ZNF250: variants seen among roughly 807,000 people sequenced by gnomAD.
ZNF250 encodes zinc finger protein 250, also known as zinc finger protein (clone 647).
A neutral mutation model predicts 37.1 loss-of-function variants in ZNF250; 13 were observed. The ratio of observed to expected loss-of-function variants is 0.35; its 90% CI spans 0.23 to 0.56. ZNF250 has a LOEUF of 0.56. Among genes scored for constraint, ZNF250 ranks in the 20% least tolerant of loss-of-function variants. The pLI, the probability that ZNF250 is intolerant of heterozygous loss-of-function variation, is 0.87. For missense variants in ZNF250, 474 were observed against 697.9 expected, an observed-to-expected ratio of 0.68 and a Z score of 3.61; for synonymous variants, 251 against 265.6, an observed-to-expected ratio of 0.94 and a Z score of 0.54.
intron 1 of ZNF250, among the ~76,000 whole-genome samples, chr8:144,900,564 A>C (rs1490669328): frequency 1.3e-5 from 2 of 152,216 alleles, no homozygotes; most frequent in Non-Finnish European, 2.9e-5. Context: ...TATTATTTTC[A>C]ATTTTAAAAT....
intron 4 of ZNF250, among the ~76,000 whole-genome samples, chr8:144,889,296 G>C (rs578071715): frequency 4.8e-4 from 73 of 152,320 alleles, no homozygotes; most frequent in African/African-American, 1.7e-3. Context: ...TGGCTAACCA[G>C]TCCCTCTGGT....
In ZNF250 at chr8:144,891,828, G is replaced by A. The variant is rs1280782544; in HGVS notation, c.-54-1425C>T. 6.6e-6 allele frequency among the ~76,000 whole-genome samples: 1 copy of A among 151,952 alleles called. No homozygotes were observed. Among genetic ancestry groups the A allele is most frequent in the African/African-American group, 2.4e-5 (1 of 41,346 alleles). ...GATCATGCCATTGCACTCCAGCCTG[G>A]GCAACCAAGAGCAAAACTCCATCTC... is the stretch of plus-strand genomic sequence containing the variant. On this transcript the variant is annotated intron_variant, in intron 1 of 5. Transcript: ENST00000417550. This position sits in a 1 kb window ranked among gnomAD's most constrained non-coding sequence, Gnocchi z 4.0.
chr8:144,883,678 G>C (rs1468789867), intron 5 of ZNF250, among the ~76,000 whole-genome samples: 2 of 152,030 alleles, frequency 1.3e-5, no homozygotes, highest in Admixed American at 6.6e-5. Flanking sequence ...GCAGTGGCAG[G>C]AGGAGGGGAG....
Position 144,882,621 on chromosome 8 carries a change from G to A in ZNF250, c.562C>T (p.Pro188Ser), listed in dbSNP as rs747906119. 1.2e-6 allele frequency: 2 copies of A among 1,613,948 alleles called. No homozygotes were observed. The highest frequency in any genetic ancestry group is 4.5e-5 in the East Asian group (2 of 44,878). ...SMPLTPHQAVPSGERPYMCVE... is the reference protein window; with the variant it reads ...SMPLTPHQAVSSGERPYMCVE... ...CACATGTAGGGCCTCTCTCCACTAG[G>A]CACTGCCTGGTGCGGAGTGAGTGGC... The change falls in exon 6 of 6, where the codon CCT becomes TCT. Residue 188 changes from proline to serine, a missense_variant. Physicochemically the swap from Pro to Ser is moderately conservative, Grantham distance 74. Around this residue, in one of 2 missense-constraint regions of ZNF250, gnomAD observed 192 missense variants for 227.5 expected, o/e 0.84. Transcript: ENST00000417550. The surrounding 1 kb of genome is among the most constrained non-coding windows in gnomAD (Gnocchi z 5.5).
At chr8:144,889,492 A>G (rs1239522253) in intron 4 of ZNF250, 89 bp downstream of exon 4, 3 of 1,026,728 alleles carry the variant, frequency 2.9e-6, no homozygotes, top group African/African-American at 1.6e-5. Context: ...AAGCCACTCC[A>G]GTGAGCGGCA....
chr8:144,899,420 TGACA>T, intron 1 of ZNF250, among the ~76,000 whole-genome samples: 1 of 152,336 alleles, frequency 6.6e-6, no homozygotes. Flanking sequence ...ATGTTTGAGG[TGACA>T]GACATCCTAA....
intron 4 of ZNF250, among the ~76,000 whole-genome samples, chr8:144,888,791 C>A (rs940900437): frequency 3.9e-5 from 6 of 151,944 alleles, no homozygotes; most frequent in African/African-American, 1.5e-4. Flanking sequence ...CTCTGTCCCC[C>A]AGGCTGGAGT....
chr8:144,880,083 G>C lies in ZNF250; in HGVS notation c.*1432C>G, dbSNP rs1273916600. 1.4e-5 allele frequency: 2 copies of C among 145,122 alleles called. No homozygotes were observed. Among genetic ancestry groups the C allele is most frequent in the African/African-American group, 5.3e-5 (2 of 37,608 alleles). 9.0% of individuals were successfully genotyped at this position (145,122 alleles called of 1,614,324 possible). On this transcript the variant is annotated 3_prime_UTR_variant, in exon 6 of 6. Transcript: ENST00000417550. The stretch of plus-strand genomic sequence containing the variant: ...CTTTGTCTCAAAAAAAAAAAAAAAA[G>C]TATGCTTAAAACAGAACAAATAATT...
chr8:144,880,874 C>A lies in ZNF250; in HGVS notation c.*641G>T. On this transcript the variant is annotated 3_prime_UTR_variant, in exon 6 of 6. Transcript: ENST00000417550. ...CAGAGCAAGACTATCTCCACACACA[C>A]ATACAAAAAGTTTTTTAAATTTATG... is the stretch of plus-strand genomic sequence containing the variant. 1.2e-5 allele frequency: 2 copies of A among 164,468 alleles called. No homozygotes were observed. The highest frequency in any genetic ancestry group is 1.3e-5 in the Non-Finnish European group (1 of 74,516). 10.2% of individuals were successfully genotyped at this position (164,468 alleles called of 1,614,324 possible).
chr8:144,886,419 G>GACAGAATCAAGTT (rs1421853935), intron 5 of ZNF250, among the ~76,000 whole-genome samples: 5 of 152,228 alleles, frequency 3.3e-5, no homozygotes, highest in African/African-American at 1.2e-4. Flanking sequence ...CTGCTTGTGA[G>GACAGAATCAAGTT]ACAGAATCAA....
intron 1 of ZNF250, among the ~76,000 whole-genome samples, chr8:144,892,859 C>G (rs1832441407): frequency 2.3e-5 from 2 of 85,546 alleles, no homozygotes; most frequent in Non-Finnish European, 4.7e-5. Context: ...TGTCCAGCCA[C>G]CAATTTTTTT....
At position 144,882,290 on chromosome 8, in the gene ZNF250, C is replaced by T. The variant is rs776423194; in HGVS notation, c.893G>A (p.Arg298Gln). 6.2e-6 allele frequency: 10 copies of T among 1,613,034 alleles called. No individual in the cohort carries two copies. Among genetic ancestry groups the T allele is most frequent in the Admixed American group, 3.3e-5 (2 of 59,888 alleles). Residue 298 changes from arginine to glutamine, a missense_variant, in exon 6 of 6, where the codon CGG becomes CAG. This residue lies in a region of ZNF250 where 282 missense variants were observed against 470.4 expected (regional missense o/e 0.60). Coordinates refer to ENST00000417550, the MANE Select transcript of ZNF250 (RefSeq NM_001109689.4). The surrounding 1 kb of genome is among the most constrained non-coding windows in gnomAD (Gnocchi z 5.5). The part of the protein sequence containing the change: ...TQLSHLIQHQ[R>Q]IHTGERPYVC... ...ATATGGCCTTTCTCCCGTGTGGATC[C>T]GCTGGTGCTGAATGAGATGTGAGAG... is the stretch of plus-strand genomic sequence containing the variant.
chr8:144,899,451 A>T (rs1832960768), intron 1 of ZNF250, among the ~76,000 whole-genome samples: 1 of 152,246 alleles, frequency 6.6e-6, no homozygotes, highest in African/African-American at 2.4e-5. Context: ...TGATTTGATC[A>T]TTATACATTG....
chr8:144,882,578 C>G lies in ZNF250; in HGVS notation c.605G>C (p.Cys202Ser), dbSNP rs1831566229. 1 of 1,614,030 alleles carries G rather than the reference C, an allele frequency of 6.2e-7. No individual in the cohort carries two copies. Among genetic ancestry groups the G allele is most frequent in the Non-Finnish European group, 8.5e-7 (1 of 1,179,968 alleles). Residue 202 changes from cysteine to serine, a missense_variant, in exon 6 of 6, where the codon TGC becomes TCC. Cys to Ser is a moderately radical substitution (Grantham distance 112, BLOSUM62 -1). Transcript: ENST00000417550. The surrounding 1 kb of genome is among the most constrained non-coding windows in gnomAD (Gnocchi z 5.5). ...AAGGAGGTGGGAACTCCGGCCAAAG[C>G]ACTTCCCACACTCAACACACATGTA... ...RPYMCVECGK[C>S]FGRSSHLLQH...
At chr8:144,893,286 G>A (rs1832479302) in intron 1 of ZNF250, among the ~76,000 whole-genome samples, 1 of 152,106 alleles carries the variant, frequency 6.6e-6, no homozygotes, top group Non-Finnish European at 1.5e-5. Context: ...CTTCTCTCCT[G>A]CCACACCCTG....
At position 144,880,221 on chromosome 8, in the gene ZNF250, T is replaced by A. The variant is rs1831371445; in HGVS notation, c.*1294A>T. 1 of 236,326 alleles carries A rather than the reference T, an allele frequency of 4.2e-6. No individual in the cohort carries two copies. Among genetic ancestry groups the A allele is most frequent in the Non-Finnish European group, 8.9e-6 (1 of 112,334 alleles). 14.6% of individuals were successfully genotyped at this position (236,326 alleles called of 1,614,324 possible). ...TAAAAAAATGAAAAAAAAAACCCCT[T>A]CAAATATAGGAATAGAAATACTAGA... On this transcript the variant is annotated 3_prime_UTR_variant, in exon 6 of 6. Coordinates refer to ENST00000417550, the MANE Select transcript of ZNF250 (RefSeq NM_001109689.4).
Position 144,882,674 on chromosome 8 carries a change from C to T in ZNF250, c.509G>A (p.Arg170His), listed in dbSNP as rs138243599. ...GCTTTGGCTTAAGACCTGAACTTCA[C>T]GGTGGTCAACAGAGTTTGGACTCAG... Reference protein sequence around the residue: ...FCLSPNSVDHREVQVLSQSMP... With the variant: ...FCLSPNSVDHHEVQVLSQSMP... Residue 170 changes from arginine (R) to histidine (H), a missense_variant, in exon 6 of 6, where the codon CGT becomes CAT. By Grantham distance (29) the Arg-to-His change is conservative. Coordinates refer to ENST00000417550, the MANE Select transcript of ZNF250 (RefSeq NM_001109689.4). The surrounding 1 kb of genome is among the most constrained non-coding windows in gnomAD (Gnocchi z 5.5). 4.8e-5 allele frequency: 77 copies of T among 1,613,848 alleles called. No individual in the cohort carries two copies. The African/African-American group carries it at 7.2e-4, about 15-fold the overall frequency.
chr8:144,889,941 A>G lies in ZNF250; in HGVS notation c.161T>C (p.Val54Ala). 2.5e-6 allele frequency: 4 copies of G among 1,603,924 alleles called. No individual in the cohort carries two copies. The highest frequency in any genetic ancestry group is 3.4e-6 in the Non-Finnish European group (4 of 1,172,694). Residue 54 changes from valine (V) to alanine (A), a missense_variant, in exon 3 of 6, where the codon GTC (valine) becomes GCC (alanine). By Grantham distance (64) the Val-to-Ala change is moderately conservative. Around this residue, in one of 2 missense-constraint regions of ZNF250, gnomAD observed 192 missense variants for 227.5 expected, o/e 0.84. Coordinates refer to ENST00000417550, the MANE Select transcript of ZNF250 (RefSeq NM_001109689.4). ...NVMMETYGNV[V>A]SLGLPGSKPD... ...CTGCTAAGGTGGCTTACCCAATGAG[A>G]CTACATTCCCATAGGTTTCCATCAT...
Position 144,890,088 on chromosome 8 carries a change from A to G in ZNF250, c.43-29T>C, listed in dbSNP as rs562349306. ...GAACGACAGGGGCTGCTGCAGGTAAAACCAAATCCTGATGTCTGTGATGGG... is the reference window on the plus strand; with the variant it reads ...GAACGACAGGGGCTGCTGCAGGTAAGACCAAATCCTGATGTCTGTGATGGG... On this transcript the variant is annotated intron_variant, in intron 2 of 5. Transcript: ENST00000417550. This position sits in a 1 kb window ranked among gnomAD's most constrained non-coding sequence, Gnocchi z 5.1. 10 of 1,606,038 alleles carry G rather than the reference A, an allele frequency of 6.2e-6. No homozygotes were observed. The African/African-American group carries it at 9.3e-5, about 15-fold the overall frequency.
Sources: allele counts gnomAD v4.1 joint callset (sites outside exome capture counted in the v4.1 genomes callset), GRCh38; gene constraint gnomAD v4.1.1; regional missense constraint gnomAD v4.1.1; non-coding constraint Gnocchi (gnomAD v3.1); transcripts MANE v1.5; gene names NCBI Gene and HGNC (gene_info 2026-07-23, HGNC 2026-07-21).